The following EYA1 variants were observed in gnomAD, a reference collection of about 807,000 sequenced individuals.
EYA1 encodes the protein protein phosphatase EYA1.
EYA1 carries 16 observed loss-of-function variants against 82.0 expected under a neutral mutation model. The observed-to-expected ratio is 0.20, with a 90% CI of 0.13 to 0.30. EYA1 has a LOEUF of 0.30. Among genes scored for constraint, EYA1 ranks in the 10% least tolerant of loss-of-function variants. The pLI is 1.00. For missense variants in EYA1, 633 were observed against 730.7 expected, an observed-to-expected ratio of 0.87 and a Z score of 1.54; for synonymous variants, 261 against 264.4, an observed-to-expected ratio of 0.99 and a Z score of 0.12.
chr8:71,281,653 A>G (rs556772411), intron 9 of EYA1, among the ~76,000 whole-genome samples: 2 of 152,288 alleles, frequency 1.3e-5, no homozygotes, highest in East Asian at 1.9e-4. Context: ...TTTAACAAGT[A>G]CCTGTGGCTA....
At chr8:71,487,649 AT>A (rs1563664800) in intron 2 of EYA1, among the ~76,000 whole-genome samples, 1 of 152,172 alleles carries the variant, frequency 6.6e-6, no homozygotes, top group African/African-American at 2.4e-5. Context: ...AAACAATTCA[AT>A]TTTTTAATGG....
At chr8:71,263,004 G>A (rs1815323600) in intron 11 of EYA1, among the ~76,000 whole-genome samples, 1 of 152,230 alleles carries the variant, frequency 6.6e-6, no homozygotes, top group Non-Finnish European at 1.5e-5. Flanking sequence ...TCACTCCAGA[G>A]CCACCACTCA....
At position 71,406,649 on chromosome 8, in the gene EYA1, T is replaced by C. The variant is rs563282012; in HGVS notation, c.34-50138A>G. On this transcript the variant is annotated intron_variant, in intron 2 of 18. Transcript: ENST00000643681. ...GAAAATCGGGTCACTCTCACCCGAA[T>C]ATTGCGCTTTTCAGACTGGCTTAAA... Among the ~76,000 whole-genome samples the C allele has an allele frequency of 7.9e-5, 12 of 152,304 alleles. No homozygotes were observed. The East Asian group carries it at 2.1e-3, about 27-fold the overall frequency.
intron 2 of EYA1, among the ~76,000 whole-genome samples, chr8:71,535,091 T>C (rs1298618658): frequency 6.6e-6 from 1 of 152,068 alleles, no homozygotes; most frequent in Non-Finnish European, 1.5e-5. Flanking sequence ...TAAATTAAAA[T>C]TCATTGAATT....
At chr8:71,362,902 G>A (rs531998582), upstream of EYA1, among the ~76,000 whole-genome samples, 1 of 152,260 alleles carries the variant, frequency 6.6e-6, no homozygotes, top group Non-Finnish European at 1.5e-5. Flanking sequence ...TTGGTGATAA[G>A]ACTTAACCAT....
In EYA1 at chr8:71,217,005, T is replaced by G; in HGVS notation, c.1159A>C (p.Ile387Leu). ...TTATCATCTGAAGAAACATCATCTATATGGACTTGGTCACATTCCTAAAAT... is the reference window on the plus strand; with the variant it reads ...TTATCATCTGAAGAAACATCATCTAGATGGACTTGGTCACATTCCTAAAAT... ...NDLEECDQVHIDDVSSDDNGQ... is the reference protein window; with the variant it reads ...NDLEECDQVHLDDVSSDDNGQ... Residue 387 changes from isoleucine to leucine, a missense_variant, in exon 13 of 18, where the codon ATA becomes CTA. Coordinates refer to ENST00000340726, the MANE Select transcript of EYA1 (RefSeq NM_000503.6). The G allele has an allele frequency of 6.2e-7, 1 of 1,613,492 alleles. No homozygotes were observed. The highest frequency in any genetic ancestry group is 8.5e-7 in the Non-Finnish European group (1 of 1,179,372).
In EYA1 at chr8:71,523,173, C is replaced by CTTTTTTTTTTTTTTTTTTT. The variant is rs201950125; in HGVS notation, c.33+12570_33+12571insAAAAAAAAAAAAAAAAAAA. Among the ~76,000 whole-genome samples the CTTTTTTTTTTTTTTTTTTT allele has an allele frequency of 6.9e-4, 76 of 110,832 alleles. 7 individuals carry two copies. The highest frequency in any genetic ancestry group is 1.7e-3 in the East Asian group (5 of 2,896). 72.7% of individuals were successfully genotyped at this position (110,832 alleles called of 152,430 possible). A position where few individuals can be genotyped will look rare whatever the true frequency, so the allele number is the denominator to read the frequency against. ...TTCAGCTCTTTTTCTTTTCTTTTTT[C>CTTTTTTTTTTTTTTTTTTT]TTTTTCTTTTTTTTTTTTTTTTTGA... On this transcript the variant is annotated intron_variant, in intron 2 of 18. Coordinates refer to the EYA1 transcript ENST00000643681.
At chr8:71,326,924 C>T (rs901954027) in intron 4 of EYA1, among the ~76,000 whole-genome samples, 2 of 152,214 alleles carry the variant, frequency 1.3e-5, no homozygotes, top group African/African-American at 4.8e-5. Flanking sequence ...AACCCCCTGA[C>T]CCTCAACCCC....
chr8:71,416,201 G>T (rs1327253641), intron 2 of EYA1, among the ~76,000 whole-genome samples: 1 of 152,190 alleles, frequency 6.6e-6, no homozygotes, highest in Non-Finnish European at 1.5e-5. Context: ...CCTGCTTTCT[G>T]CCTTGCTTCT....
chr8:71,537,600 C>A (rs1814803144), intron 1 of EYA1, among the ~76,000 whole-genome samples: 1 of 152,170 alleles, frequency 6.6e-6, no homozygotes, highest in African/African-American at 2.4e-5. Flanking sequence ...CCACAGTGTA[C>A]CTATAAGAGG....
At chr8:71,531,559 T>C (rs1206028788) in intron 2 of EYA1, among the ~76,000 whole-genome samples, 4 of 152,152 alleles carry the variant, frequency 2.6e-5, no homozygotes, top group Non-Finnish European at 4.4e-5. Context: ...GTATGTGCTT[T>C]TTTTTTTATC....
At chr8:71,224,227 T>C (rs796306339) in intron 12 of EYA1, among the ~76,000 whole-genome samples, 17 of 152,344 alleles carry the variant, frequency 1.1e-4, no homozygotes, top group Middle Eastern at 3.4e-3. Context: ...GTCCAAATCC[T>C]GCTGATCAAG....
In EYA1 at chr8:71,197,552, TTTCAGTC is replaced by T. The variant is rs1334202641; in HGVS notation, c.*1781_*1787del. The T allele has an allele frequency of 6.6e-6, 1 of 152,570 alleles. No homozygotes were observed. The highest frequency in any genetic ancestry group is 2.4e-5 in the African/African-American group (1 of 41,450). 9.5% of individuals were successfully genotyped at this position (152,570 alleles called of 1,614,324 possible). ...AGTAAGGCCAAGATAAACTTTGTCTTTTCAGTCTGCAGAGTACAAAAACATAAAATGA... is the reference window on the plus strand; with the variant it reads ...AGTAAGGCCAAGATAAACTTTGTCTTTGCAGAGTACAAAAACATAAAATGA... On this transcript the variant is annotated 3_prime_UTR_variant, in exon 18 of 18. Transcript: ENST00000340726.
chr8:71,469,854 A>G (rs910381315), intron 2 of EYA1, among the ~76,000 whole-genome samples: 2 of 151,976 alleles, frequency 1.3e-5, no homozygotes, highest in African/African-American at 4.8e-5. Flanking sequence ...TGATCATTTG[A>G]TCATCAAAAT....
At chr8:71,363,368 T>C (rs897464393), upstream of EYA1, among the ~76,000 whole-genome samples, 1 of 151,754 alleles carries the variant, frequency 6.6e-6, no homozygotes, top group African/African-American at 2.4e-5. Flanking sequence ...ATTACAGACT[T>C]CCCCCCAACC....
At chr8:71,230,780 C>G (rs1036335536) in intron 12 of EYA1, among the ~76,000 whole-genome samples, 1 of 152,348 alleles carries the variant, frequency 6.6e-6, no homozygotes, top group East Asian at 1.9e-4. Flanking sequence ...AGTTGCCTCA[C>G]ATAAATCATT....
intron 2 of EYA1, among the ~76,000 whole-genome samples, chr8:71,398,368 G>A (rs1329713264): frequency 6.6e-6 from 1 of 152,154 alleles, no homozygotes; most frequent in African/African-American, 2.4e-5. Context: ...GAGGAGAAAA[G>A]GCACTCTGAT....
At chr8:71,235,762 G>C (rs555075043) in intron 12 of EYA1, among the ~76,000 whole-genome samples, 1 of 152,224 alleles carries the variant, frequency 6.6e-6, no homozygotes, top group African/African-American at 2.4e-5. Context: ...ATGACGGAAA[G>C]AAATGACAAA....
At chr8:71,481,028 T>C (rs1399051070) in intron 2 of EYA1, among the ~76,000 whole-genome samples, 3 of 152,146 alleles carry the variant, frequency 2.0e-5, no homozygotes, top group Non-Finnish European at 2.9e-5. Context: ...TTAAAACTAA[T>C]TTAAAATAAA....
Sources: gnomAD v4.1 joint callset for allele counts (sites outside exome capture counted in the v4.1 genomes callset) on GRCh38, gnomAD v4.1.1 for gene constraint, MANE v1.5 for transcripts, NCBI Gene and HGNC (gene_info 2026-07-23, HGNC 2026-07-21) for gene names.